Variants in ROS1 observed in about 807,000 individuals in gnomAD.
ROS1 encodes the protein ROS proto-oncogene 1, receptor tyrosine kinase.
Under a neutral mutation model 273.5 loss-of-function variants are expected in ROS1, and 263 were observed. The ratio of observed to expected loss-of-function variants is 0.96; its 90% confidence interval spans 0.87 to 1.06. The LOEUF is 1.06. ROS1 is among the 50% of genes least tolerant of loss of function. The pLI is 0.00. For missense variants in ROS1, 2,833 were observed against 2,751.1 expected (o/e 1.03, Z -0.67); for synonymous variants, 1,008 against 954.1 (o/e 1.06, Z -1.04).
At chr6:117,411,636 C>T (rs929333748) in intron 4 of ROS1, among the ~76,000 whole-genome samples, 2 of 152,174 alleles carry the variant, frequency 1.3e-5, no homozygotes, top group African/African-American at 4.8e-5. Context: ...GGCACACAGG[C>T]TGCCAGTGCC....
chr6:117,367,606 C>G (rs768948906), intron 18 of ROS1, among the ~76,000 whole-genome samples: 2 of 152,014 alleles, frequency 1.3e-5, no homozygotes, highest in Non-Finnish European at 2.9e-5. Context: ...AGACTAGGCC[C>G]CACTGGGAAT....
chr6:117,364,324 A>G (rs1759972594), intron 21 of ROS1, among the ~76,000 whole-genome samples: 1 of 152,236 alleles, frequency 6.6e-6, no homozygotes, highest in Admixed American at 6.5e-5. Context: ...TACATAAATT[A>G]CTATCATTTA....
intron 18 of ROS1, among the ~76,000 whole-genome samples, chr6:117,367,434 C>G (rs533668612): frequency 6.6e-6 from 1 of 152,350 alleles, no homozygotes; most frequent in Non-Finnish European, 1.5e-5. Flanking sequence ...CAGAGTTCAT[C>G]ACTGCTCTGA....
At chr6:117,383,951 T>C (rs1009758825) in intron 16 of ROS1, among the ~76,000 whole-genome samples, 2 of 152,342 alleles carry the variant, frequency 1.3e-5, no homozygotes, top group East Asian at 1.9e-4. Context: ...GGCACTGTAC[T>C]TTTTTATCTT....
intron 15 of ROS1, among the ~76,000 whole-genome samples, chr6:117,386,604 T>C (rs778287278): frequency 1.8e-4 from 27 of 152,238 alleles, no homozygotes; most frequent in Non-Finnish European, 3.2e-4. Flanking sequence ...AGGCTGTTAA[T>C]GTGAGATGGC....
intron 1 of ROS1, among the ~76,000 whole-genome samples, chr6:117,424,933 C>T (rs1341638262): frequency 6.6e-6 from 1 of 151,920 alleles, no homozygotes; most frequent in Admixed American, 6.6e-5. Context: ...TTAAGCACAA[C>T]TAAATTACAA....
chr6:117,382,025 T>G (rs1196793327), intron 17 of ROS1, among the ~76,000 whole-genome samples: 1 of 152,106 alleles, frequency 6.6e-6, no homozygotes, highest in Non-Finnish European at 1.5e-5. Flanking sequence ...ATCAGAACAC[T>G]GGGAAGATTA....
At chr6:117,355,164 A>C (rs927959828) in intron 26 of ROS1, among the ~76,000 whole-genome samples, 1 of 152,224 alleles carries the variant, frequency 6.6e-6, no homozygotes, top group Non-Finnish European at 1.5e-5. Flanking sequence ...ATGAAGACCA[A>C]GGCTGAGGCC....
chr6:117,338,222 T>C (rs754992524), intron 31 of ROS1, among the ~76,000 whole-genome samples: 137 of 152,234 alleles, frequency 9.0e-4, no homozygotes, highest in Non-Finnish European at 1.2e-3. Context: ...TTATATCTTC[T>C]TTTTCACTTA....
In ROS1 at chr6:117,401,613, T is replaced by C. The variant is rs73568850; in HGVS notation, c.604+1526A>G. On this transcript the variant is annotated intron_variant, in intron 7 of 43. Transcript: ENST00000368507. ...TAACCCAGAAAATACTTTTACTTAA[T>C]TACTTATCGGACTGTCTTCCCTAGC... Among the ~76,000 whole-genome samples, 1,046 of 152,286 alleles carry C rather than the reference T, an allele frequency of 6.9e-3. 6 individuals carry two copies. The highest frequency in any genetic ancestry group is 0.023 in the African/African-American group (967 of 41,560).
intron 43 of ROS1, among the ~76,000 whole-genome samples, chr6:117,290,144 C>T (rs1259431652): frequency 6.6e-6 from 1 of 152,112 alleles, no homozygotes; most frequent in Non-Finnish European, 1.5e-5. Flanking sequence ...CATGAATGAG[C>T]ATATTGGAAA....
intron 24 of ROS1, among the ~76,000 whole-genome samples, chr6:117,358,326 C>G (rs1445235931): frequency 1.3e-5 from 2 of 152,128 alleles, no homozygotes; most frequent in Admixed American, 1.3e-4. Context: ...TCCCAGAAAA[C>G]AGACTTCATC....
intron 18 of ROS1, among the ~76,000 whole-genome samples, chr6:117,374,593 A>C (rs554457015): frequency 1.3e-5 from 2 of 152,250 alleles, no homozygotes; most frequent in Non-Finnish European, 2.9e-5. Context: ...AAGAACCCAA[A>C]ATCAAATGCA....
At chr6:117,377,960 G>A (rs182608195) in intron 18 of ROS1, among the ~76,000 whole-genome samples, 2 of 152,196 alleles carry the variant, frequency 1.3e-5, no homozygotes, top group Non-Finnish European at 2.9e-5. Flanking sequence ...GGGAAGTGCT[G>A]GTTAAAATCA....
At chr6:117,407,034 T>C (rs1280950451) in intron 5 of ROS1, among the ~76,000 whole-genome samples, 1 of 148,914 alleles carries the variant, frequency 6.7e-6, no homozygotes. Flanking sequence ...CCCCATAAAA[T>C]ATACATTTTA....
intron 27 of ROS1, 52 bp from the exon 28 acceptor site, chr6:117,344,314 G>A: frequency 2.4e-6 from 3 of 1,233,542 alleles, no homozygotes; most frequent in African/African-American, 1.5e-5. Context: ...ATATATGAGA[G>A]GAAAAGCAGA....
At chr6:117,319,650 G>A (rs1776148359) in intron 37 of ROS1, among the ~76,000 whole-genome samples, 1 of 152,142 alleles carries the variant, frequency 6.6e-6, no homozygotes, top group African/African-American at 2.4e-5. Flanking sequence ...AGTAGCCTTA[G>A]AGGTAATGCA....
chr6:117,303,423 A>T (rs181688986), intron 42 of ROS1, among the ~76,000 whole-genome samples: 4 of 152,346 alleles, frequency 2.6e-5, no homozygotes, highest in African/African-American at 9.6e-5. Flanking sequence ...TTTGTAAGAA[A>T]ATAAGATACT....
At chr6:117,300,529 G>C (rs547141614) in intron 43 of ROS1, among the ~76,000 whole-genome samples, 116 of 152,262 alleles carry the variant, frequency 7.6e-4, no homozygotes, top group African/African-American at 1.9e-3. Flanking sequence ...GACAGGGAGG[G>C]AGGAAGTTGA....
Sources: allele counts gnomAD v4.1 joint callset (sites outside exome capture counted in the v4.1 genomes callset), GRCh38; gene constraint gnomAD v4.1.1; transcripts MANE v1.5; gene names NCBI Gene and HGNC (gene_info 2026-07-23, HGNC 2026-07-21).